The following ARHGAP22 variants were observed in gnomAD, a reference collection of about 807,000 sequenced individuals.
ARHGAP22 encodes the protein Rho GTPase activating protein 22, also known as rho GTPase-activating protein 22.
In ARHGAP22, 48 loss-of-function variants were observed where a neutral mutation model predicts 59.1. The ratio of observed to expected loss-of-function variants is 0.81; its 90% CI spans 0.64 to 1.03. ARHGAP22 has a LOEUF of 1.03. ARHGAP22 is among the 50% of genes least tolerant of loss of function. The pLI is 0.00. For missense variants in ARHGAP22, 1,015 were observed against 958.7 expected, an observed-to-expected ratio of 1.06 and a Z score of -0.78; for synonymous variants, 445 against 416.4, an observed-to-expected ratio of 1.07 and a Z score of -0.84.
At chr10:48,576,806 T>C (rs2058738466) in intron 2 of ARHGAP22, among the ~76,000 whole-genome samples, 1 of 152,204 alleles carries the variant, frequency 6.6e-6, no homozygotes, top group Non-Finnish European at 1.5e-5. Context: ...AGTATGCTTA[T>C]GTTACTCCTT....
chr10:48,443,654 CTCTGCAGGGGCCTGGGGT>C (rs1387098920), downstream of ARHGAP22, among the ~76,000 whole-genome samples: 2 of 152,008 alleles, frequency 1.3e-5, no homozygotes, highest in Non-Finnish European at 2.9e-5. Flanking sequence ...ACTGGGAGGG[CTCTGCAGGGGCCTGGGGT>C]TCTGCATCAA....
chr10:48,606,571 T>C (rs904532944), upstream of ARHGAP22, among the ~76,000 whole-genome samples: 1 of 152,214 alleles, frequency 6.6e-6, no homozygotes, highest in South Asian at 2.1e-4. Flanking sequence ...TATACAACCA[T>C]ATGCACATAC....
At chr10:48,554,237 G>A (rs2057128087) in intron 3 of ARHGAP22, among the ~76,000 whole-genome samples, 1 of 152,212 alleles carries the variant, frequency 6.6e-6, no homozygotes, top group South Asian at 2.1e-4. Flanking sequence ...GGTATGGACA[G>A]GACAAAGGTA....
chr10:48,506,641 G>C (rs571365598), intron 3 of ARHGAP22, among the ~76,000 whole-genome samples: 131 of 152,216 alleles, frequency 8.6e-4, no homozygotes, highest in African/African-American at 3.0e-3. Flanking sequence ...CCATTCCCTA[G>C]CACAACACCA....
In ARHGAP22 at chr10:48,605,071, A is replaced by G. The variant is rs2060607478; in HGVS notation, c.-275T>C. Reference sequence around the variant, plus strand: ...CCTCAGTAATCACTGCTGATCAATCACTGGACCAGGGCGGGGCAGTCCCTC... The same window carrying G: ...CCTCAGTAATCACTGCTGATCAATCGCTGGACCAGGGCGGGGCAGTCCCTC... On this transcript the variant is annotated 5_prime_UTR_variant, in exon 1 of 10. Transcript: ENST00000249601. The G allele has an allele frequency of 7.5e-7, 1 of 1,329,004 alleles. No individual in the cohort carries two copies. The highest frequency in any genetic ancestry group is 1.5e-5 in the African/African-American group (1 of 67,000). The allele number at this position is 1,329,004 out of a possible 1,614,324, so 82.3% of individuals were successfully genotyped here. A position where few individuals can be genotyped will look rare whatever the true frequency, so the allele number is the denominator to read the frequency against.
At chr10:48,559,219 C>T (rs894813948) in intron 2 of ARHGAP22, among the ~76,000 whole-genome samples, 7 of 152,174 alleles carry the variant, frequency 4.6e-5, no homozygotes, top group Middle Eastern at 3.2e-3. Context: ...GCACCTAGAA[C>T]GGCAGTTTGC....
rs866636163 is a variant in ARHGAP22, at chr10:48,451,420, G to C, written c.989-280C>G. The C allele has an allele frequency of 7.1e-6, 5 of 704,434 alleles. No individual in the cohort carries two copies. The Middle Eastern group carries it at 1.1e-3, about 161-fold the overall frequency. 43.6% of individuals were successfully genotyped at this position (704,434 alleles called of 1,614,324 possible). A position where few individuals can be genotyped will look rare whatever the true frequency, so the allele number is the denominator to read the frequency against. On this transcript the variant is annotated intron_variant, in intron 8 of 9. Transcript: ENST00000249601. ...CGCTCACGCCCTCCAGCTGGGGTGG[G>C]GTGAGGAAGCAGGCACCAAGGCTGC... is the stretch of plus-strand genomic sequence containing the variant.
chr10:48,625,007 C>T (rs557121201), intron 1 of ARHGAP22: 15 of 152,366 alleles, frequency 9.8e-5, no homozygotes, highest in African/African-American at 3.4e-4. Context: ...GAAAGAGTCA[C>T]TCCATGGAGG....
intron 1 of ARHGAP22, among the ~76,000 whole-genome samples, chr10:48,595,902 C>T (rs1021132527): frequency 6.6e-6 from 1 of 152,146 alleles, no homozygotes; most frequent in Non-Finnish European, 1.5e-5. Context: ...GAGCCAGGCC[C>T]TCCTAATGAG....
chr10:48,493,662 G>A, intron 3 of ARHGAP22: 9 of 1,411,724 alleles, frequency 6.4e-6, no homozygotes, highest in Non-Finnish European at 8.3e-6. Context: ...CTCTCCTGGG[G>A]AACTTCTGCA....
chr10:48,529,248 G>C (rs1450207129), intron 3 of ARHGAP22, among the ~76,000 whole-genome samples: 1 of 152,182 alleles, frequency 6.6e-6, no homozygotes, highest in African/African-American at 2.4e-5. Context: ...AGAGATGTGG[G>C]CCGAACACAG....
intron 2 of ARHGAP22, among the ~76,000 whole-genome samples, chr10:48,563,949 G>A (rs1276055167): frequency 6.6e-6 from 1 of 152,094 alleles, no homozygotes; most frequent in African/African-American, 2.4e-5. Context: ...TGTTAACAAG[G>A]AATTAATAGA....
chr10:48,507,046 TA>T (rs1285444534), intron 3 of ARHGAP22, among the ~76,000 whole-genome samples: 3 of 152,178 alleles, frequency 2.0e-5, no homozygotes, highest in African/African-American at 7.2e-5. Context: ...GGTTCAGCAC[TA>T]ATTTTGGAAA....
At chr10:48,607,469 A>G (rs1197591530), upstream of ARHGAP22, among the ~76,000 whole-genome samples, 2 of 152,128 alleles carry the variant, frequency 1.3e-5, no homozygotes, top group Non-Finnish European at 2.9e-5. Context: ...GGGTCCACAG[A>G]GGCAGGAATT....
chr10:48,571,844 A>G (rs3867453), intron 2 of ARHGAP22, among the ~76,000 whole-genome samples: 58,600 of 151,886 alleles, frequency 0.39, 12,714 homozygotes, highest in East Asian at 0.89. Flanking sequence ...TTTTTCTCTC[A>G]TTCACGCTTC....
At chr10:48,641,047 A>G (rs1017161225) in intron 1 of ARHGAP22, among the ~76,000 whole-genome samples, 1 of 152,182 alleles carries the variant, frequency 6.6e-6, no homozygotes, top group Non-Finnish European at 1.5e-5. Context: ...TCTGAAGTAG[A>G]TTAAGGTAAA....
intron 4 of ARHGAP22, among the ~76,000 whole-genome samples, chr10:48,474,941 T>G (rs1490737920): frequency 6.6e-6 from 1 of 152,216 alleles, no homozygotes; most frequent in Non-Finnish European, 1.5e-5. Flanking sequence ...ATCAATCTTT[T>G]GCAATGATGC....
At chr10:48,507,564 C>A (rs2052274788) in intron 3 of ARHGAP22, among the ~76,000 whole-genome samples, 1 of 152,178 alleles carries the variant, frequency 6.6e-6, no homozygotes, top group Non-Finnish European at 1.5e-5. Flanking sequence ...GTCAACCGTG[C>A]AGGCACACAG....
chr10:48,595,319 T>C (rs1370994400), intron 1 of ARHGAP22, among the ~76,000 whole-genome samples: 1 of 151,856 alleles, frequency 6.6e-6, no homozygotes, highest in Non-Finnish European at 1.5e-5. Flanking sequence ...GAGAGAGAGA[T>C]GGGGTATTGG....
Sources: allele counts gnomAD v4.1 joint callset (sites outside exome capture counted in the v4.1 genomes callset), GRCh38; gene constraint gnomAD v4.1.1; transcripts MANE v1.5; gene names NCBI Gene and HGNC (gene_info 2026-07-23, HGNC 2026-07-21).